PPP5C: variants seen among roughly 807,000 people sequenced by gnomAD.
The protein encoded by PPP5C is serine/threonine-protein phosphatase 5.
PPP5C carries 21 observed loss-of-function variants against 66.7 expected under a neutral mutation model. The ratio of observed to expected loss-of-function variants is 0.31; its 90% CI spans 0.22 to 0.45. The LOEUF (loss-of-function observed/expected upper bound fraction) is 0.45. PPP5C is among the 20% of genes least tolerant of loss of function. The pLI is 1.00. For synonymous variants in PPP5C, 246 were observed against 257.4 expected (o/e 0.96, Z 0.43); for missense variants, 464 against 675.9 (o/e 0.69, Z 3.48).
intron 11 of PPP5C, among the ~76,000 whole-genome samples, chr19:46,389,185 G>A (rs139382990): frequency 3.9e-3 from 590 of 152,064 alleles, no homozygotes; most frequent in African/African-American, 0.012. Flanking sequence ...TTAGCAGGGC[G>A]TGGTGGCACA....
chr19:46,351,003 T>A (rs1972174570), intron 1 of PPP5C, among the ~76,000 whole-genome samples: 1 of 152,136 alleles, frequency 6.6e-6, no homozygotes, highest in Non-Finnish European at 1.5e-5. Context: ...GTCCCCCGTC[T>A]CATGTCTGAG....
At chr19:46,351,862 C>T (rs1972192009) in intron 1 of PPP5C, among the ~76,000 whole-genome samples, 1 of 152,204 alleles carries the variant, frequency 6.6e-6, no homozygotes, top group Admixed American at 6.5e-5. Context: ...CTGGGGCAGC[C>T]CAGTCGGGGG....
At chr19:46,347,692 T>G (rs1972108147) in intron 1 of PPP5C, among the ~76,000 whole-genome samples, 1 of 149,850 alleles carries the variant, frequency 6.7e-6, no homozygotes. Context: ...AGTAGGAGAT[T>G]TGGGCTGACC....
intron 1 of PPP5C, among the ~76,000 whole-genome samples, chr19:46,348,982 AGT>A (rs886423333): frequency 6.6e-6 from 1 of 152,030 alleles, no homozygotes; most frequent in African/African-American, 2.4e-5. Flanking sequence ...GGTGCTGAAG[AGT>A]GAATGGGAGG....
Position 46,388,424 on chromosome 19 carries a change from G to A in PPP5C, c.1152G>A (p.Leu384=). ...CCCCACCAGGGCCCATGTGTGACCT[G>A]CTCTGGTCAGATCCACAGCCACAGG... is the stretch of plus-strand genomic sequence containing the variant. ...QPPDSGPMCD[L]LWSDPQPQNG... The change falls in exon 10 of 13, where the codon CTG becomes CTA. Residue 384 remains leucine (L), a synonymous_variant. Transcript: ENST00000012443. This position sits in a 1 kb window ranked among gnomAD's most constrained non-coding sequence, Gnocchi z 4.9. The A allele has an allele frequency of 1.9e-6, 3 of 1,612,454 alleles. No individual in the cohort carries two copies. In the Admixed American group the frequency reaches 5.0e-5, roughly 27 times the overall value.
At chr19:46,352,572 G>A (rs1313917130) in intron 1 of PPP5C, among the ~76,000 whole-genome samples, 3 of 152,090 alleles carry the variant, frequency 2.0e-5, no homozygotes, top group Non-Finnish European at 4.4e-5. Context: ...TGTAATCCCA[G>A]CACTTTGGGA....
At chr19:46,372,321 C>T (rs192967685) in intron 2 of PPP5C, among the ~76,000 whole-genome samples, 2 of 151,892 alleles carry the variant, frequency 1.3e-5, no homozygotes, top group Admixed American at 6.6e-5. Context: ...CACCTCAGCC[C>T]CCCAAAGTAG....
intron 2 of PPP5C, among the ~76,000 whole-genome samples, chr19:46,373,846 A>T (rs953183845): frequency 3.3e-5 from 5 of 152,038 alleles, no homozygotes; most frequent in African/African-American, 1.2e-4. Flanking sequence ...TTCCTAGAGG[A>T]GGGATCAGTG....
At chr19:46,351,668 A>G (rs1273964411) in intron 1 of PPP5C, among the ~76,000 whole-genome samples, 1 of 152,226 alleles carries the variant, frequency 6.6e-6, no homozygotes, top group Non-Finnish European at 1.5e-5. Context: ...GGCCTGAAGG[A>G]GTCCTCAAAG....
chr19:46,351,869 G>A (rs1568563673), intron 1 of PPP5C, among the ~76,000 whole-genome samples: 2 of 152,350 alleles, frequency 1.3e-5, no homozygotes, highest in East Asian at 3.9e-4. Context: ...AGCCCAGTCG[G>A]GGGCCTGACC....
intron 2 of PPP5C, among the ~76,000 whole-genome samples, chr19:46,357,523 A>G (rs1485541330): frequency 1.3e-5 from 2 of 152,226 alleles, no homozygotes; most frequent in African/African-American, 2.4e-5. Context: ...GTCCAGAGAT[A>G]GCATTAGATT....
At position 46,376,675 on chromosome 19, in the gene PPP5C, A is replaced by G. The variant is rs534600042; in HGVS notation, c.633+101A>G. On this transcript the variant is annotated intron_variant, in intron 4 of 12. Transcript: ENST00000012443. This position sits in a 1 kb window ranked among gnomAD's most constrained non-coding sequence, Gnocchi z 5.1. Reference sequence around the variant, plus strand: ...GCAAAACGACAGGAGAAGGGCGGCCATGACAGCCAACACCAAACAGGAGTC... The same window carrying G: ...GCAAAACGACAGGAGAAGGGCGGCCGTGACAGCCAACACCAAACAGGAGTC... 95 of 1,496,082 alleles carry G rather than the reference A, an allele frequency of 6.3e-5. No homozygotes were observed. In the African/African-American group the frequency reaches 1.3e-3, roughly 20 times the overall value. The allele number at this position is 1,496,082 out of a possible 1,614,324, so 92.7% of individuals were successfully genotyped here. A position where few individuals can be genotyped will look rare whatever the true frequency, so the allele number is the denominator to read the frequency against.
intron 2 of PPP5C, among the ~76,000 whole-genome samples, chr19:46,366,038 C>A (rs1325215383): frequency 6.6e-6 from 1 of 152,126 alleles, no homozygotes; most frequent in African/African-American, 2.4e-5. Flanking sequence ...AAAGTCTAGA[C>A]CTCATCTGAC....
chr19:46,350,770 A>G (rs1972170188), intron 1 of PPP5C, among the ~76,000 whole-genome samples: 1 of 152,060 alleles, frequency 6.6e-6, no homozygotes, highest in African/African-American at 2.4e-5. Context: ...CCACTCGCCC[A>G]AGGTCAGAGT....
intron 4 of PPP5C, among the ~76,000 whole-genome samples, chr19:46,378,351 C>T (rs917764862): frequency 1.3e-5 from 2 of 152,180 alleles, no homozygotes; most frequent in Non-Finnish European, 2.9e-5. Flanking sequence ...AGACAACACA[C>T]TCTGGATGAT....
chr19:46,388,786 T>G lies in PPP5C; in HGVS notation c.1355+55T>G, dbSNP rs1972937996. On this transcript the variant is annotated intron_variant, in intron 11 of 12. Coordinates refer to ENST00000012443, the MANE Select transcript of PPP5C (RefSeq NM_006247.4). This position sits in a 1 kb window ranked among gnomAD's most constrained non-coding sequence, Gnocchi z 4.9. ...TCTACCAAGCCACGGGTTTTTGTCT[T>G]GGTTTTTGTTTTGCCTTTTTATGAT... 1 of 1,570,784 alleles carries G rather than the reference T, an allele frequency of 6.4e-7. No homozygotes were observed. The highest frequency in any genetic ancestry group is 8.6e-7 in the Non-Finnish European group (1 of 1,157,312).
Position 46,353,834 on chromosome 19 carries a change from C to G in PPP5C, c.208C>G (p.Leu70Val), listed in dbSNP as rs1972235447. 3 of 1,612,620 alleles carry G rather than the reference C, an allele frequency of 1.9e-6. No homozygotes were observed. Among genetic ancestry groups the G allele is most frequent in the Non-Finnish European group, 2.5e-6 (3 of 1,179,474 alleles). The change falls in exon 2 of 13, where the codon CTG becomes GTG. Residue 70 changes from leucine to valine, a missense_variant. Transcript: ENST00000012443. Reference protein sequence around the residue: ...SNAIYYGNRSLAYLRTECYGY... With the variant: ...SNAIYYGNRSVAYLRTECYGY... ...TGCCATCTACTATGGCAACCGCAGC[C>G]TGGCCTACCTGCGCACTGAGTGCTA...
chr19:46,354,035 A>G, intron 2 of PPP5C, 46 bp downstream of exon 2: 1 of 1,598,688 alleles, frequency 6.3e-7, no homozygotes, highest in Non-Finnish European at 8.5e-7. Flanking sequence ...CCAGGCAGAT[A>G]CTGAGGGCTG....
At chr19:46,382,030 C>T (rs1475109534) in intron 4 of PPP5C, 1 of 151,250 alleles carries the variant, frequency 6.6e-6, no homozygotes, top group Non-Finnish European at 1.5e-5. Flanking sequence ...ACTGTGGGGC[C>T]ACTGGGGTGC....
Sources: allele counts gnomAD v4.1 joint callset (sites outside exome capture counted in the v4.1 genomes callset), GRCh38; gene constraint gnomAD v4.1.1; non-coding constraint Gnocchi (gnomAD v3.1); transcripts MANE v1.5; gene names NCBI Gene and HGNC (gene_info 2026-07-23, HGNC 2026-07-21).